Variants in TMEM132B observed in about 807,000 individuals in gnomAD.
TMEM132B encodes transmembrane protein 132B.
A neutral mutation model predicts 90.8 loss-of-function variants in TMEM132B; 18 were observed. That is an observed-to-expected ratio of 0.20 (90% CI 0.14 to 0.29). The LOEUF (loss-of-function observed/expected upper bound fraction) is 0.29. TMEM132B is among the 10% of genes least tolerant of loss of function. The probability of loss-of-function intolerance (pLI) is 1.00; values close to 1 mark genes in which losing one functional copy is unlikely to be tolerated. For missense variants in TMEM132B, 1,096 were observed against 1,326.8 expected, an observed-to-expected ratio of 0.83 and a Z score of 2.70; for synonymous variants, 504 against 523.3, an observed-to-expected ratio of 0.96 and a Z score of 0.50.
At chr12:125,563,371 G>A (rs1438003924) in intron 4 of TMEM132B, among the ~76,000 whole-genome samples, 2 of 152,046 alleles carry the variant, frequency 1.3e-5, no homozygotes, top group Admixed American at 1.3e-4. Context: ...CACTTTGGGA[G>A]GCTGAGGTGG....
intron 3 of TMEM132B, among the ~76,000 whole-genome samples, chr12:125,511,989 G>A (rs560878690): frequency 4.1e-4 from 62 of 152,274 alleles, no homozygotes; most frequent in African/African-American, 1.2e-3. Context: ...TAGAGATTGG[G>A]TCTCATAAGG....
rs189215624 is a variant in TMEM132B, at chr12:125,662,204, G to C, written c.*7494G>C. On this transcript the variant is annotated 3_prime_UTR_variant, in exon 9 of 9. Transcript: ENST00000682704. Reference sequence around the variant, plus strand: ...CCAGATATTATAAACAGAGCATGCTGTTATGACATTGTGCTTCTATATACC... The same window carrying C: ...CCAGATATTATAAACAGAGCATGCTCTTATGACATTGTGCTTCTATATACC... 1 of 152,296 alleles carries C rather than the reference G, an allele frequency of 6.6e-6. No homozygotes were observed. The highest frequency in any genetic ancestry group is 6.5e-5 in the Admixed American group (1 of 15,286). 9.4% of individuals were successfully genotyped at this position (152,296 alleles called of 1,614,324 possible).
At chr12:125,301,465 T>C (rs1875821828) in intron 1 of TMEM132B, 1 of 152,302 alleles carries the variant, frequency 6.6e-6, no homozygotes, top group South Asian at 2.1e-4. Flanking sequence ...CCTCATGCTG[T>C]CTGCAGCCAT....
intron 6 of TMEM132B, among the ~76,000 whole-genome samples, chr12:125,647,752 G>T (rs979711289): frequency 6.6e-6 from 1 of 152,112 alleles, no homozygotes; most frequent in East Asian, 1.9e-4. Context: ...AAGAATGATA[G>T]AATGAGTAAA....
At chr12:125,382,221 C>T (rs746431745) in intron 2 of TMEM132B, among the ~76,000 whole-genome samples, 5 of 152,188 alleles carry the variant, frequency 3.3e-5, no homozygotes, top group African/African-American at 4.8e-5. Flanking sequence ...CCAGTATCTC[C>T]AGGCTCCTAA....
intron 1 of TMEM132B, among the ~76,000 whole-genome samples, chr12:125,304,662 G>A (rs1054435381): frequency 1.4e-4 from 21 of 152,114 alleles, no homozygotes; most frequent in African/African-American, 4.8e-4. Flanking sequence ...CCAGGAACTA[G>A]TGTTTAAAAA....
chr12:125,411,299 G>A (rs1441668708), intron 2 of TMEM132B, among the ~76,000 whole-genome samples: 5 of 148,614 alleles, frequency 3.4e-5, no homozygotes, highest in African/African-American at 5.0e-5. Context: ...TCGTAAGTGG[G>A]AGATGAACAA....
chr12:125,453,825 C>A (rs1881219118), intron 3 of TMEM132B, among the ~76,000 whole-genome samples: 1 of 152,170 alleles, frequency 6.6e-6, no homozygotes, highest in South Asian at 2.1e-4. Flanking sequence ...TGTCACCAAA[C>A]CCCAGAGCAT....
chr12:125,641,898 G>A (rs1241327758), intron 5 of TMEM132B, among the ~76,000 whole-genome samples: 1 of 152,180 alleles, frequency 6.6e-6, no homozygotes, highest in African/African-American at 2.4e-5. Context: ...GACTGAGAAA[G>A]TTCTGGCAAT....
intron 2 of TMEM132B, among the ~76,000 whole-genome samples, chr12:125,366,435 T>A (rs537439949): frequency 1.2e-3 from 186 of 152,294 alleles, no homozygotes; most frequent in African/African-American, 3.9e-3. Context: ...TTATTTTTTT[T>A]ATTGTCTTTT....
intron 1 of TMEM132B, among the ~76,000 whole-genome samples, chr12:125,203,597 T>C (rs1305148352): frequency 6.6e-6 from 1 of 152,188 alleles, no homozygotes; most frequent in Non-Finnish European, 1.5e-5. Flanking sequence ...TTTTCTAGAG[T>C]TAGTAGAATT....
chr12:125,635,117 C>T (rs1016789086), intron 5 of TMEM132B, among the ~76,000 whole-genome samples: 5 of 152,138 alleles, frequency 3.3e-5, no homozygotes, highest in African/African-American at 1.2e-4. Context: ...ATTGGAGATT[C>T]CTCTCTGCCT....
chr12:125,200,917 G>C (rs1340912333), intron 1 of TMEM132B, among the ~76,000 whole-genome samples: 2 of 152,178 alleles, frequency 1.3e-5, no homozygotes. Context: ...TCTACTCATG[G>C]CATTTCTCCA....
At chr12:125,205,017 C>T (rs1217157753) in intron 1 of TMEM132B, among the ~76,000 whole-genome samples, 2 of 108,000 alleles carry the variant, frequency 1.9e-5, no homozygotes, top group Non-Finnish European at 3.8e-5. Context: ...TCTCATGAAT[C>T]CTTTCAGCGA....
chr12:125,514,610 C>T (rs1883060826), intron 3 of TMEM132B, among the ~76,000 whole-genome samples: 1 of 152,218 alleles, frequency 6.6e-6, no homozygotes, highest in Admixed American at 6.5e-5. Context: ...ACCATCTCTG[C>T]CTGGTAGCTC....
intron 3 of TMEM132B, among the ~76,000 whole-genome samples, chr12:125,517,438 C>T (rs541446634): frequency 1.1e-4 from 16 of 150,392 alleles, no homozygotes; most frequent in South Asian, 8.5e-4. Context: ...GTGATCCACC[C>T]GCCTCGGCCT....
chr12:125,481,447 T>C (rs1284946750), intron 3 of TMEM132B, among the ~76,000 whole-genome samples: 1 of 152,286 alleles, frequency 6.6e-6, no homozygotes, highest in East Asian at 1.9e-4. Context: ...TCACAAGCAT[T>C]CTTATACACC....
intron 3 of TMEM132B, among the ~76,000 whole-genome samples, chr12:125,484,387 G>A (rs1045003820): frequency 6.6e-6 from 1 of 152,102 alleles, no homozygotes; most frequent in African/African-American, 2.4e-5. Flanking sequence ...TGTCATGAGG[G>A]TTGTGGCTGG....
intron 1 of TMEM132B, among the ~76,000 whole-genome samples, chr12:125,252,068 CTGACACTGG>C: frequency 6.6e-6 from 1 of 152,352 alleles, no homozygotes; most frequent in Non-Finnish European, 1.5e-5. Flanking sequence ...CTAGTATACA[CTGACACTGG>C]TGCACCCACT....
Sources: allele counts gnomAD v4.1 joint callset (sites outside exome capture counted in the v4.1 genomes callset), GRCh38; gene constraint gnomAD v4.1.1; transcripts MANE v1.5; gene names NCBI Gene and HGNC (gene_info 2026-07-23, HGNC 2026-07-21).